WSB1: variants seen among roughly 807,000 people sequenced by gnomAD.
WSB1 encodes WD repeat and SOCS box containing 1.
In WSB1, 23 loss-of-function variants were observed where a neutral mutation model predicts 50.2. The ratio of observed to expected loss-of-function variants is 0.46; its 90% CI spans 0.33 to 0.65. The LOEUF is 0.65. WSB1 is among the 30% of genes least tolerant of loss of function. The pLI is 0.02. For missense variants in WSB1, 492 were observed against 522.3 expected (o/e 0.94, Z 0.56); for synonymous variants, 179 against 172.0 (o/e 1.04, Z -0.32).
chr17:27,309,274 T>G lies in WSB1; in HGVS notation c.884+2T>G, dbSNP rs2017576394. Reference sequence around the variant, plus strand: ...TGGAGACATTCTGATGGAATTTGGGTGGGTACAGCATGAATTATTTTAGTC... The same window carrying G: ...TGGAGACATTCTGATGGAATTTGGGGGGGTACAGCATGAATTATTTTAGTC... On this transcript the variant is annotated splice_donor_variant, in intron 6 of 8. Coordinates refer to ENST00000262394, the MANE Select transcript of WSB1 (RefSeq NM_015626.10). LOFTEE classifies it high-confidence loss of function. 6.2e-7 allele frequency: 1 copy of G among 1,600,504 alleles called. No individual in the cohort carries two copies. The highest frequency in any genetic ancestry group is 1.3e-5 in the African/African-American group (1 of 74,670).
rs746350575 is a variant in WSB1 at position 27,310,127 on chromosome 17, A to G, written c.951A>G (p.Val317=). The G allele has an allele frequency of 9.9e-6, 16 of 1,613,998 alleles. No individual in the cohort carries two copies. The highest frequency in any genetic ancestry group is 1.7e-6 in the Non-Finnish European group (2 of 1,179,972). ...CAAATGACCGGTGGGTACGATCTGT[A>G]TCTTTTAGCCATGATGGACTGCATG... ...GGANDRWVRS[V]SFSHDGLHVA... The change falls in exon 7 of 9, where the codon GTA becomes GTG. Residue 317 remains valine, a synonymous_variant. Coordinates refer to ENST00000262394, the MANE Select transcript of WSB1 (RefSeq NM_015626.10).
rs1436369778 is a variant in WSB1, at chr17:27,314,210, A to G, written c.*1841A>G. On this transcript the variant is annotated 3_prime_UTR_variant, in exon 9 of 9. Coordinates refer to ENST00000262394, the MANE Select transcript of WSB1 (RefSeq NM_015626.10). Reference sequence around the variant, plus strand: ...TTTTACAAAAAGAAGCACAAGAAGCATCTAATCTTTATACTTCTTGTGACT... The same window carrying G: ...TTTTACAAAAAGAAGCACAAGAAGCGTCTAATCTTTATACTTCTTGTGACT... 1 of 152,236 alleles carries G rather than the reference A, an allele frequency of 6.6e-6. No individual in the cohort carries two copies. Among genetic ancestry groups the G allele is most frequent in the African/African-American group, 2.4e-5 (1 of 41,462 alleles). 9.4% of individuals were successfully genotyped at this position (152,236 alleles called of 1,614,324 possible). A position where few individuals can be genotyped will look rare whatever the true frequency, so the allele number is the denominator to read the frequency against.
chr17:27,306,631 C>A (rs1175032562), intron 4 of WSB1, 151 bp from the exon 5 acceptor site: 2 of 669,928 alleles, frequency 3.0e-6, no homozygotes, highest in South Asian at 4.0e-5. Context: ...AAATTTAAAA[C>A]CTAAGCAGCT....
intron 5 of WSB1, chr17:27,308,470 AAATGT>A (rs1033725206): frequency 4.1e-6 from 4 of 984,756 alleles, no homozygotes; most frequent in Non-Finnish European, 3.6e-6. Context: ...TGATTTATTG[AAATGT>A]AATTGTATTA....
intron 1 of WSB1, among the ~76,000 whole-genome samples, chr17:27,294,965 C>T (rs1040478668): frequency 5.3e-5 from 8 of 152,122 alleles, no homozygotes; most frequent in Non-Finnish European, 1.2e-4. Flanking sequence ...GGGGAGGAGA[C>T]TTTTAGAATT....
Position 27,294,251 on chromosome 17 carries a change from G to C in WSB1, c.-145G>C. The C allele has an allele frequency of 1.8e-6, 2 of 1,133,336 alleles. No individual in the cohort carries two copies. Among genetic ancestry groups the C allele is most frequent in the Non-Finnish European group, 2.5e-6 (2 of 797,690 alleles). 70.2% of individuals were successfully genotyped at this position (1,133,336 alleles called of 1,614,324 possible). On this transcript the variant is annotated 5_prime_UTR_variant, in exon 1 of 9. Transcript: ENST00000262394. ...GGGAGCTTTCCCGAGGCAGTTAGCA[G>C]AAGCCGCAGCGGCCGCCCCCGCCCG...
At chr17:27,310,281 G>C in intron 7 of WSB1, 107 bp downstream of exon 7, 1 of 922,832 alleles carries the variant, frequency 1.1e-6, no homozygotes, top group Non-Finnish European at 1.7e-6. Flanking sequence ...CTCAACACAA[G>C]CCCCTGGGAG....
intron 3 of WSB1, 112 bp from the exon 4 acceptor site, chr17:27,304,668 C>G: frequency 9.5e-7 from 1 of 1,057,634 alleles, no homozygotes; most frequent in Non-Finnish European, 1.3e-6. Flanking sequence ...GCCAAGATTA[C>G]GCCATTGCAC....
At chr17:27,309,519 A>C (rs756687302) in intron 6 of WSB1, among the ~76,000 whole-genome samples, 1 of 152,218 alleles carries the variant, frequency 6.6e-6, no homozygotes, top group Non-Finnish European at 1.5e-5. Context: ...AATTATGTTT[A>C]GAGTTTTTGT....
chr17:27,302,412 A>G (rs2017272473), intron 2 of WSB1: 1 of 139,160 alleles, frequency 7.2e-6, no homozygotes, highest in African/African-American at 2.9e-5. Flanking sequence ...TAATGTCTCA[A>G]AAAAAAAAAA....
intron 3 of WSB1, among the ~76,000 whole-genome samples, chr17:27,304,489 A>G (rs1409218767): frequency 7.2e-6 from 1 of 138,452 alleles, no homozygotes; most frequent in Non-Finnish European, 1.5e-5. Flanking sequence ...ACTTGAGCCC[A>G]GGAGTTTTAG....
rs1463398521 is a variant in WSB1 at position 27,314,644 on chromosome 17, T to TA, written c.*2280dup. 2 of 152,172 alleles carry TA rather than the reference T, an allele frequency of 1.3e-5. No individual in the cohort carries two copies. The highest frequency in any genetic ancestry group is 4.8e-5 in the African/African-American group (2 of 41,434). The allele number at this position is 152,172 out of a possible 1,614,324, so 9.4% of individuals were successfully genotyped here. On this transcript the variant is annotated 3_prime_UTR_variant, in exon 9 of 9. Transcript: ENST00000262394. Reference sequence around the variant, plus strand: ...TTCCACACCAACATATCCAGTCAAGTAAAAACAGCTTTTTTTATTTTTTAT... The same window carrying TA: ...TTCCACACCAACATATCCAGTCAAGTAAAAAACAGCTTTTTTTATTTTTTAT...
At chr17:27,310,894 A>G (rs994204592) in intron 7 of WSB1, among the ~76,000 whole-genome samples, 36 of 151,930 alleles carry the variant, frequency 2.4e-4, no homozygotes, top group Non-Finnish European at 5.0e-4. Flanking sequence ...TGCCCAGGCT[A>G]TAGTGCAGTG....
chr17:27,312,090 G>C (rs2017707772), intron 8 of WSB1, 120 bp from the exon 9 acceptor site: 1 of 1,353,308 alleles, frequency 7.4e-7, no homozygotes, highest in South Asian at 1.5e-5. Flanking sequence ...TCCTGGTTGG[G>C]TTTTAATGTG....
intron 1 of WSB1, among the ~76,000 whole-genome samples, chr17:27,295,038 G>A (rs2016895733): frequency 6.6e-6 from 1 of 152,172 alleles, no homozygotes; most frequent in Non-Finnish European, 1.5e-5. Flanking sequence ...GAAAGCTTTT[G>A]TGCGGAAGAG....
At position 27,301,878 on chromosome 17, in the gene WSB1, C is replaced by T. The variant is rs763449924; in HGVS notation, c.131C>T (p.Pro44Leu). The T allele has an allele frequency of 6.9e-5, 111 of 1,613,814 alleles. No homozygotes were observed. The highest frequency in any genetic ancestry group is 9.1e-5 in the Non-Finnish European group (107 of 1,179,948). Reference sequence around the variant, plus strand: ...GAAAATTGGACTGTTGCTTTTGCTCCAGATGGTTCATACTTTGCTTGGTCA... The same window carrying T: ...GAAAATTGGACTGTTGCTTTTGCTCTAGATGGTTCATACTTTGCTTGGTCA... The part of the protein sequence containing the change: ...GRENWTVAFA[P>L]DGSYFAWSQG... The change falls in exon 2 of 9, where the codon CCA (proline) becomes CTA (leucine). Residue 44 changes from proline (P) to leucine (L), a missense_variant. By Grantham distance (98) the Pro-to-Leu change is moderately conservative. Coordinates refer to ENST00000262394, the MANE Select transcript of WSB1 (RefSeq NM_015626.10).
intron 5 of WSB1, chr17:27,307,115 G>GTTT: frequency 2.4e-5 from 9 of 379,148 alleles, no homozygotes; most frequent in Admixed American, 4.4e-5. Context: ...GCATATCAGG[G>GTTT]TTTTTTTTTT....
In WSB1 at chr17:27,294,218, A is replaced by T; in HGVS notation, c.-178A>T. On this transcript the variant is annotated 5_prime_UTR_variant, in exon 1 of 9. Transcript: ENST00000262394. Reference sequence around the variant, plus strand: ...GTGGTTGACTCCGTACTTTGGTCTGAGGCCTTCGGGAGCTTTCCCGAGGCA... The same window carrying T: ...GTGGTTGACTCCGTACTTTGGTCTGTGGCCTTCGGGAGCTTTCCCGAGGCA... 1.4e-6 allele frequency: 1 copy of T among 724,206 alleles called. No homozygotes were observed. Among genetic ancestry groups the T allele is most frequent in the Non-Finnish European group, 2.3e-6 (1 of 444,046 alleles). The allele number at this position is 724,206 out of a possible 1,614,324, so 44.9% of individuals were successfully genotyped here. A position where few individuals can be genotyped will look rare whatever the true frequency, so the allele number is the denominator to read the frequency against.
At chr17:27,308,506 C>A in intron 5 of WSB1, 1 of 985,706 alleles carries the variant, frequency 1.0e-6, no homozygotes, top group Non-Finnish European at 1.2e-6. Flanking sequence ...ATAGCATTTT[C>A]ATTTTGTAAT....
Sources: allele counts gnomAD v4.1 joint callset (sites outside exome capture counted in the v4.1 genomes callset), GRCh38; gene constraint gnomAD v4.1.1; transcripts MANE v1.5; gene names NCBI Gene and HGNC (gene_info 2026-07-23, HGNC 2026-07-21).